SEM1: variants seen among roughly 807,000 people sequenced by gnomAD.
The protein encoded by SEM1 is 26S proteasome complex subunit SEM1.
Under a neutral mutation model 12.7 loss-of-function variants are expected in SEM1, and 3 were observed. The ratio of observed to expected loss-of-function variants is 0.24; its 90% CI spans 0.11 to 0.61. The LOEUF is 0.61. Among genes scored for constraint, SEM1 ranks in the 20% least tolerant of loss-of-function variants. SEM1 has a pLI of 0.88. For synonymous variants in SEM1, 30 were observed against 27.8 expected (o/e 1.08, Z -0.25); for missense variants, 59 against 81.3 (o/e 0.73, Z 1.06).
chr7:96,574,462 C>T (rs904693719), intron 2 of SEM1, among the ~76,000 whole-genome samples: 1 of 152,154 alleles, frequency 6.6e-6, no homozygotes, highest in East Asian at 1.9e-4. Flanking sequence ...GTAATGGGAT[C>T]ACTGGGTCAA....
At chr7:96,493,419 A>T (rs896758488) in intron 1 of SEM1, among the ~76,000 whole-genome samples, 1 of 152,044 alleles carries the variant, frequency 6.6e-6, no homozygotes, top group Non-Finnish European at 1.5e-5. Flanking sequence ...TCAAGATGTC[A>T]CCTTGGACAA....
At chr7:96,677,336 A>T (rs1472938722) in intron 2 of SEM1, among the ~76,000 whole-genome samples, 1 of 152,180 alleles carries the variant, frequency 6.6e-6, no homozygotes, top group Non-Finnish European at 1.5e-5. Flanking sequence ...GTTGGTGGTT[A>T]TCGTCATCTT....
downstream of SEM1, among the ~76,000 whole-genome samples, chr7:96,621,224 C>G (rs1807883029): frequency 1.3e-5 from 2 of 152,064 alleles, no homozygotes; most frequent in African/African-American, 4.8e-5. Flanking sequence ...ATAATAAGCA[C>G]AAGAAGCAAA....
At chr7:96,592,094 G>T (rs190225723) in intron 2 of SEM1, among the ~76,000 whole-genome samples, 69 of 152,140 alleles carry the variant, frequency 4.5e-4, no homozygotes, top group Non-Finnish European at 8.7e-4. Context: ...TATCAGGACA[G>T]AGAACAACTG....
chr7:96,709,838 A>T lies in SEM1; in HGVS notation c.-75T>A, dbSNP rs1339797366. The T allele has an allele frequency of 7.5e-7, 1 of 1,330,524 alleles. No individual in the cohort carries two copies. Among genetic ancestry groups the T allele is most frequent in the East Asian group, 2.3e-5 (1 of 43,186 alleles). 82.4% of individuals were successfully genotyped at this position (1,330,524 alleles called of 1,614,324 possible). A position where few individuals can be genotyped will look rare whatever the true frequency, so the allele number is the denominator to read the frequency against. Reference sequence around the variant, plus strand: ...CCTCACTCTTCCTCAAGGAAACGCCACCGTCACTACCGCCTCCGACGCTGA... The same window carrying T: ...CCTCACTCTTCCTCAAGGAAACGCCTCCGTCACTACCGCCTCCGACGCTGA... On this transcript the variant is annotated 5_prime_UTR_variant, in exon 1 of 3. Transcript: ENST00000248566.
intron 2 of SEM1, among the ~76,000 whole-genome samples, chr7:96,636,354 T>G (rs1035865171): frequency 6.6e-6 from 1 of 151,894 alleles, no homozygotes; most frequent in African/African-American, 2.4e-5. Context: ...TCATGGTGAC[T>G]GGGTCATCAT....
intron 3 of SEM1, among the ~76,000 whole-genome samples, chr7:96,505,221 C>G (rs1803712001): frequency 6.6e-6 from 1 of 152,020 alleles, no homozygotes; most frequent in Non-Finnish European, 1.5e-5. Context: ...TCTGCCTCAG[C>G]CTCCCAAGTA....
chr7:96,498,189 C>A (rs576117391), upstream of SEM1, among the ~76,000 whole-genome samples: 1 of 152,304 alleles, frequency 6.6e-6, no homozygotes, highest in African/African-American at 2.4e-5. Context: ...AAACTTGAAA[C>A]CACATGGCCC....
chr7:96,589,591 T>C (rs565501791), intron 2 of SEM1, among the ~76,000 whole-genome samples: 3 of 152,176 alleles, frequency 2.0e-5, no homozygotes, highest in Non-Finnish European at 4.4e-5. Flanking sequence ...TCCAGTGACA[T>C]AAGGTCATTT....
upstream of SEM1, among the ~76,000 whole-genome samples, chr7:96,497,962 A>G (rs1363087370): frequency 6.6e-6 from 1 of 152,230 alleles, no homozygotes; most frequent in Non-Finnish European, 1.5e-5. Flanking sequence ...AAAAGGATCC[A>G]AATAGAACTT....
At chr7:96,655,678 G>GC (rs1563100020) in intron 2 of SEM1, among the ~76,000 whole-genome samples, 1 of 151,960 alleles carries the variant, frequency 6.6e-6, no homozygotes, top group East Asian at 1.9e-4. Context: ...CAAACCGATC[G>GC]CTCCCAAAAC....
intron 2 of SEM1, among the ~76,000 whole-genome samples, chr7:96,559,334 G>A (rs1805623183): frequency 6.6e-6 from 1 of 152,162 alleles, no homozygotes; most frequent in African/African-American, 2.4e-5. Context: ...CCAGGCTGGA[G>A]TGCAGTGGCA....
At chr7:96,527,409 C>A (rs547862751) in intron 2 of SEM1, among the ~76,000 whole-genome samples, 1 of 152,224 alleles carries the variant, frequency 6.6e-6, no homozygotes, top group Admixed American at 6.5e-5. Context: ...GAAATTCACA[C>A]CAGCTTTTTG....
chr7:96,584,847 A>T (rs11982870), intron 2 of SEM1, among the ~76,000 whole-genome samples: 1 of 149,888 alleles, frequency 6.7e-6, no homozygotes, highest in Non-Finnish European at 1.5e-5. Context: ...CTCTGTATTG[A>T]TTATTCTAGT....
chr7:96,602,707 TCTGA>T (rs1401482082), intron 2 of SEM1, among the ~76,000 whole-genome samples: 1 of 152,218 alleles, frequency 6.6e-6, no homozygotes, highest in Admixed American at 6.5e-5. Context: ...TAAATCTGAA[TCTGA>T]CTTTCTCACC....
intron 2 of SEM1, among the ~76,000 whole-genome samples, chr7:96,527,549 C>T (rs754914096): frequency 2.0e-5 from 3 of 152,112 alleles, no homozygotes; most frequent in Non-Finnish European, 4.4e-5. Flanking sequence ...ATAAACTTCT[C>T]AGAATCACAG....
At chr7:96,520,621 C>T (rs1804238435) in intron 2 of SEM1, among the ~76,000 whole-genome samples, 1 of 152,218 alleles carries the variant, frequency 6.6e-6, no homozygotes, top group Non-Finnish European at 1.5e-5. Context: ...GAAGGGCCAA[C>T]AGGTAGGGAG....
chr7:96,486,145 A>G, intron 2 of SEM1: 1 of 1,301,556 alleles, frequency 7.7e-7, no homozygotes, highest in Non-Finnish European at 1.1e-6. Context: ...AAAGACTTAG[A>G]GAGTTAATTT....
intron 2 of SEM1, among the ~76,000 whole-genome samples, chr7:96,485,263 A>C (rs1802706283): frequency 6.6e-6 from 1 of 152,164 alleles, no homozygotes; most frequent in African/African-American, 2.4e-5. Context: ...CCATAAACTT[A>C]GTGGCTTAAA....
Sources: allele counts gnomAD v4.1 joint callset (sites outside exome capture counted in the v4.1 genomes callset), GRCh38; gene constraint gnomAD v4.1.1; transcripts MANE v1.5; gene names NCBI Gene and HGNC (gene_info 2026-07-23, HGNC 2026-07-21).